NEMP1: variants seen among roughly 807,000 people sequenced by gnomAD.
NEMP1 encodes transmembrane protein 194.
In NEMP1, 29 loss-of-function variants were observed where a neutral mutation model predicts 53.7. The observed-to-expected ratio is 0.54, with a 90% CI of 0.40 to 0.74. The LOEUF (loss-of-function observed/expected upper bound fraction) is 0.74, where lower values mean the gene tolerates loss of function less well. NEMP1 is among the 30% of genes least tolerant of loss of function. The pLI is 0.00. For synonymous variants in NEMP1, 193 were observed against 192.9 expected (o/e 1.00, Z 0.00); for missense variants, 477 against 528.6 (o/e 0.90, Z 0.96).
At chr12:57,064,762 A>T (rs751318977) in intron 4 of NEMP1, 23 bp from the exon 5 acceptor site, 3 of 1,554,202 alleles carry the variant, frequency 1.9e-6, no homozygotes, top group South Asian at 2.2e-5. Flanking sequence ...AATGTATTTC[A>T]TGACCATATG....
In NEMP1 at chr12:57,078,620, T is replaced by C; in HGVS notation, c.126A>G (p.Thr42=). The C allele has an allele frequency of 6.2e-7, 1 of 1,610,028 alleles. No homozygotes were observed. The highest frequency in any genetic ancestry group is 8.5e-7 in the Non-Finnish European group (1 of 1,178,152). ...TGGCAGCTGCTGCCCGGGCGGTACC[T>C]GTGCCGTAGACCAAGCAGCCGGAGA... ...LILSGCLVYG[T]AETDVNVVML... Residue 42 remains threonine (T), a splice_region_variant and synonymous_variant, in exon 1 of 9, where the codon ACA becomes ACG. Transcript: ENST00000300128.
At chr12:57,085,979 G>A (rs2032978512) in intron 1 of NEMP1, among the ~76,000 whole-genome samples, 8 of 152,324 alleles carry the variant, frequency 5.3e-5, no homozygotes, top group Admixed American at 5.2e-4. Flanking sequence ...AGAGGTCCTG[G>A]ATTTCGGCTG....
At chr12:57,063,488 T>C in intron 6 of NEMP1, 144 bp from the exon 7 acceptor site, 2 of 680,532 alleles carry the variant, frequency 2.9e-6, no homozygotes, top group Non-Finnish European at 4.9e-6. Context: ...ACTTTTTTCT[T>C]AGAATATATT....
chr12:57,072,955 AATAACT>A, intron 1 of NEMP1, 43 bp from the exon 2 acceptor site: 1 of 1,560,706 alleles, frequency 6.4e-7, no homozygotes, highest in Non-Finnish European at 8.7e-7. Context: ...ATAACAAGCT[AATAACT>A]ATAACTCATT....
chr12:57,071,842 C>T (rs1323900027), intron 2 of NEMP1, among the ~76,000 whole-genome samples: 1 of 151,494 alleles, frequency 6.6e-6, no homozygotes, highest in Non-Finnish European at 1.5e-5. Context: ...AAAAACAAAT[C>T]CACAAGTCCA....
At chr12:57,066,727 A>C (rs527407945) in intron 4 of NEMP1, among the ~76,000 whole-genome samples, 3 of 152,222 alleles carry the variant, frequency 2.0e-5, no homozygotes, top group Admixed American at 2.0e-4. Flanking sequence ...CTCATCTTGA[A>C]TTGTAGCTCC....
intron 3 of NEMP1, 139 bp from the exon 4 acceptor site, chr12:57,069,445 C>G (rs186333545): frequency 1.7e-6 from 1 of 588,062 alleles, no homozygotes. Flanking sequence ...ATTTAAATTT[C>G]ACCTAAAGCC....
At chr12:57,060,681 C>A (rs2031755557) in intron 8 of NEMP1, 91 bp downstream of exon 8, 1 of 1,353,068 alleles carries the variant, frequency 7.4e-7, no homozygotes, top group Non-Finnish European at 1.0e-6. Context: ...ACAAAGGTCA[C>A]AAGTGCACGA....
Position 57,078,681 on chromosome 12 carries a change from A to G in NEMP1, c.65T>C (p.Val22Ala). The stretch of plus-strand genomic sequence containing the variant: ...TAGCCGCACTGTCCCACCGCCCCCG[A>G]CTCCCGAGCCCCAGGGCCCGGGACC... The part of the protein sequence containing the change: ...AVGPGPWGSG[V>A]GGGGTVRLLL... Residue 22 changes from valine (V) to alanine (A), a missense_variant, in exon 1 of 9, where the codon GTC (valine) becomes GCC (alanine). Transcript: ENST00000300128. 6.2e-7 allele frequency: 1 copy of G among 1,612,244 alleles called. No homozygotes were observed.
At position 57,059,959 on chromosome 12, in the gene NEMP1, T is replaced by A. The variant is rs184086273; in HGVS notation, c.1255A>T (p.Ile419Phe). ...TCCTCAGAGGATGCTTCCTCATAGA[T>A]TTCATCCTGGGCAATAATGCTCCCT... Reference protein sequence around the residue: ...GLGSIIAQDEIYEEASSEEED... With the variant: ...GLGSIIAQDEFYEEASSEEED... Residue 419 changes from isoleucine to phenylalanine, a missense_variant, in exon 9 of 9, where the codon ATC becomes TTC. Coordinates refer to ENST00000300128, the MANE Select transcript of NEMP1 (RefSeq NM_001130963.2). 12 of 1,613,342 alleles carry A rather than the reference T, an allele frequency of 7.4e-6. No homozygotes were observed. In the African/African-American group the frequency reaches 1.5e-4, roughly 20 times the overall value.
intron 3 of NEMP1, 28 bp downstream of exon 3, chr12:57,070,646 C>A: frequency 6.5e-7 from 1 of 1,528,968 alleles, no homozygotes. Flanking sequence ...ACTACAGAAT[C>A]CATCAGAAAA....
chr12:57,073,987 G>T (rs1242706688), intron 1 of NEMP1, among the ~76,000 whole-genome samples: 5 of 146,384 alleles, frequency 3.4e-5, no homozygotes, highest in Admixed American at 2.7e-4. Context: ...TTTTTTTTTT[G>T]AGACAGGGTC....
In NEMP1 at chr12:57,059,821, C is replaced by T; in HGVS notation, c.*58G>A. 1.3e-6 allele frequency: 2 copies of T among 1,483,648 alleles called. No homozygotes were observed. The highest frequency in any genetic ancestry group is 1.9e-6 in the Non-Finnish European group (2 of 1,077,470). The allele number at this position is 1,483,648 out of a possible 1,614,324, so 91.9% of individuals were successfully genotyped here. ...CAAAGGGTTGAAAGCAATTGCACAA[C>T]ACATGCAACATGGACCAAGGCACCA... On this transcript the variant is annotated 3_prime_UTR_variant, in exon 9 of 9. Transcript: ENST00000300128.
At chr12:57,072,950 A>T in intron 1 of NEMP1, 38 bp from the exon 2 acceptor site, 1 of 1,576,178 alleles carries the variant, frequency 6.3e-7, no homozygotes, top group African/African-American at 1.4e-5. Context: ...TAAACATAAC[A>T]AGCTAATAAC....
Position 57,057,135 on chromosome 12 carries a change from T to C in NEMP1, c.*2744A>G, listed in dbSNP as rs2031563378. ...CAGCTGCCTCTTGTATTCCCATTAA[T>C]GGGAGTCTCTACATTAATGCTCTAC... On this transcript the variant is annotated 3_prime_UTR_variant, in exon 9 of 9. Transcript: ENST00000300128. 6.6e-6 allele frequency: 1 copy of C among 152,308 alleles called. No homozygotes were observed. Among genetic ancestry groups the C allele is most frequent in the African/African-American group, 2.4e-5 (1 of 41,566 alleles). The allele number at this position is 152,308 out of a possible 1,614,324, so 9.4% of individuals were successfully genotyped here. A position where few individuals can be genotyped will look rare whatever the true frequency, so the allele number is the denominator to read the frequency against.
intron 3 of NEMP1, among the ~76,000 whole-genome samples, chr12:57,070,067 A>G (rs1412615789): frequency 6.6e-6 from 1 of 152,170 alleles, no homozygotes; most frequent in East Asian, 1.9e-4. Context: ...CTGTGTAGTA[A>G]CCAAGGGGAA....
chr12:57,063,322 G>A lies in NEMP1; in HGVS notation c.777C>T (p.Phe259=). The A allele has an allele frequency of 6.2e-7, 1 of 1,614,142 alleles. No individual in the cohort carries two copies. Reference sequence around the variant, plus strand: ...ACTTGTAACATACTGCAAAACTCATGAATCCAACTGTGAGGACATAACCTA... The same window carrying A: ...ACTTGTAACATACTGCAAAACTCATAAATCCAACTGTGAGGACATAACCTA... ...YLLSYVLTVG[F]MSFAVCYKYG... The change falls in exon 7 of 9, where the codon TTC becomes TTT. Residue 259 remains phenylalanine, a synonymous_variant. Transcript: ENST00000300128.
At position 57,078,712 on chromosome 12, in the gene NEMP1, C is replaced by T. The variant is rs1468032492; in HGVS notation, c.34G>A (p.Ala12Thr). 6.2e-7 allele frequency: 1 copy of T among 1,612,748 alleles called. No homozygotes were observed. Among genetic ancestry groups the T allele is most frequent in the Non-Finnish European group, 8.5e-7 (1 of 1,179,140 alleles). The change falls in exon 1 of 9, where the codon GCA becomes ACA. Residue 12 changes from alanine (A) to threonine (T), a missense_variant. Physicochemically the swap from Ala to Thr is moderately conservative, Grantham distance 58. Transcript: ENST00000300128. ...AGGMKVAVSP[A>T]VGPGPWGSGV... is the part of the protein sequence containing the mutation. ...GAGCCCCAGGGCCCGGGACCAACTG[C>T]CGGCGAGACCGCCACTTTCATTCCT...
At position 57,059,298 on chromosome 12, in the gene NEMP1, C is replaced by T. The variant is rs1214150017; in HGVS notation, c.*581G>A. 2.0e-5 allele frequency: 3 copies of T among 152,220 alleles called. No homozygotes were observed. The highest frequency in any genetic ancestry group is 1.9e-4 in the East Asian group (1 of 5,204). The allele number at this position is 152,220 out of a possible 1,614,324, so 9.4% of individuals were successfully genotyped here. ...GCCTAGGGGGTGTGTCACTCTGGAGCACTTGCTGGTTCTGGAACATGAGTT... is the reference window on the plus strand; with the variant it reads ...GCCTAGGGGGTGTGTCACTCTGGAGTACTTGCTGGTTCTGGAACATGAGTT... On this transcript the variant is annotated 3_prime_UTR_variant, in exon 9 of 9. Transcript: ENST00000300128.
Sources: allele counts gnomAD v4.1 joint callset (sites outside exome capture counted in the v4.1 genomes callset), GRCh38; gene constraint gnomAD v4.1.1; transcripts MANE v1.5; gene names NCBI Gene and HGNC (gene_info 2026-07-23, HGNC 2026-07-21).